ATP11C: variants seen among roughly 807,000 people sequenced by gnomAD.
ATP11C encodes the protein ATPase phospholipid transporting 11C (ATP11C blood group), also known as phospholipid-transporting ATPase IG.
A neutral mutation model predicts 97.4 loss-of-function variants in ATP11C; 36 were observed. The observed-to-expected ratio is 0.37, with a 90% CI of 0.28 to 0.49. The LOEUF is 0.49. ATP11C is among the 20% of genes least tolerant of loss of function. The probability of loss-of-function intolerance (pLI) is 0.98; values close to 1 mark genes in which losing one functional copy is unlikely to be tolerated. For missense variants in ATP11C, 730 were observed against 824.6 expected, an observed-to-expected ratio of 0.89 and a Z score of 1.40; for synonymous variants, 275 against 290.9, an observed-to-expected ratio of 0.95 and a Z score of 0.56.
intron 28 of ATP11C, among the ~76,000 whole-genome samples, chrX:139,734,597 G>T (rs1011545793): frequency 9.0e-6 from 1 of 111,327 alleles, no homozygotes; most frequent in African/African-American, 3.3e-5. Flanking sequence ...CTGTGCTTAG[G>T]GGGGACACAA....
At chrX:139,874,231 T>G (rs1296113809) in intron 1 of ATP11C, among the ~76,000 whole-genome samples, 1 of 89,351 alleles carries the variant, frequency 1.1e-5, no homozygotes, top group Non-Finnish European at 2.1e-5. Context: ...TTTTTTTTTT[T>G]GTATTTTTAG....
intron 1 of ATP11C, among the ~76,000 whole-genome samples, chrX:139,907,876 G>A (rs1192120044): frequency 1.8e-5 from 2 of 110,633 alleles, no homozygotes; most frequent in African/African-American, 6.6e-5. Flanking sequence ...ATTTTACCCT[G>A]TACCCTAACA....
intron 1 of ATP11C, among the ~76,000 whole-genome samples, chrX:139,888,017 A>C (rs995798436): frequency 1.8e-5 from 2 of 110,449 alleles, no homozygotes; most frequent in African/African-American, 3.3e-5. Flanking sequence ...TCTTTGAAAC[A>C]CACTATTTAA....
Position 139,910,352 on chromosome X carries a change from A to G in ATP11C, c.27+21664T>C, listed in dbSNP as rs186370383. ...ATAAAAGAATTATGGGCTGCCTGTA[A>G]TCCCAGCACTTTGGGAGGCCGAGGC... On this transcript the variant is annotated intron_variant, in intron 1 of 29. Transcript: ENST00000682941. Among the ~76,000 whole-genome samples the G allele has an allele frequency of 1.7e-3, 188 of 111,240 alleles. 2 individuals carry two copies. The highest frequency in any genetic ancestry group is 2.2e-3 in the Non-Finnish European group (115 of 53,094).
At chrX:139,822,304 C>T (rs1386744015) in intron 2 of ATP11C, among the ~76,000 whole-genome samples, 3 of 112,371 alleles carry the variant, frequency 2.7e-5, no homozygotes, top group Admixed American at 9.3e-5. Flanking sequence ...TCAAGCAATC[C>T]GCCCGCCTCA....
chrX:139,822,822 G>A (rs958141204), intron 2 of ATP11C, among the ~76,000 whole-genome samples: 2 of 110,227 alleles, frequency 1.8e-5, no homozygotes, highest in African/African-American at 3.3e-5. Flanking sequence ...ACAGGTGTGA[G>A]CCACTGCACC....
chrX:139,874,475 T>C (rs754504318), intron 1 of ATP11C, among the ~76,000 whole-genome samples: 2 of 111,425 alleles, frequency 1.8e-5, no homozygotes, highest in Admixed American at 9.6e-5. Context: ...CACATTAATA[T>C]AAAAAGTTGA....
At chrX:139,904,859 T>C (rs962957038) in intron 1 of ATP11C, among the ~76,000 whole-genome samples, 1 of 111,948 alleles carries the variant, frequency 8.9e-6, no homozygotes, top group Non-Finnish European at 1.9e-5. Context: ...AGAGATACTG[T>C]TGCAGGCAGG....
chrX:139,899,223 A>G lies in ATP11C; in HGVS notation c.27+32793T>C, dbSNP rs1424009835. Among the ~76,000 whole-genome samples the G allele has an allele frequency of 3.6e-5, 4 of 111,413 alleles. No individual in the cohort carries two copies. In the East Asian group the frequency reaches 1.1e-3, roughly 31 times the overall value. ...GGGCCGGATGCAATGGCTCAAGCTT[A>G]TAATCCCAGCACTTTGGGAGGCCGA... On this transcript the variant is annotated intron_variant, in intron 1 of 29. Transcript: ENST00000682941.
chrX:139,802,460 C>A, intron 6 of ATP11C, 121 bp from the exon 7 acceptor site: 1 of 379,385 alleles, frequency 2.6e-6, no homozygotes, highest in East Asian at 4.1e-5. Flanking sequence ...GCAGAATAAA[C>A]AAATATTAAC....
chrX:139,798,766 T>TTA, intron 8 of ATP11C, 23 bp from the exon 9 acceptor site: 1 of 1,169,844 alleles, frequency 8.5e-7, no homozygotes, highest in Non-Finnish European at 1.2e-6. Flanking sequence ...TGAACACAGC[T>TTA]TATCCAAACA....
rs139498058 is a variant in ATP11C at position 139,809,399 on chromosome X, G to C, written c.427-4800C>G. 2.3e-3 allele frequency among the ~76,000 whole-genome samples: 253 copies of C among 112,229 alleles called. 7 individuals carry two copies. In the East Asian group the frequency reaches 0.064, roughly 28 times the overall value. ...ATCAACCTTGAAAACATTATGCTAA[G>C]TGAAAGAAGCCAGACATAAATGGAC... On this transcript the variant is annotated intron_variant, in intron 5 of 29. Coordinates refer to ENST00000682941, the MANE Select transcript of ATP11C (RefSeq NM_001353812.2).
chrX:139,803,412 C>A (rs1359424434), intron 6 of ATP11C, among the ~76,000 whole-genome samples: 1 of 110,900 alleles, frequency 9.0e-6, no homozygotes, highest in Non-Finnish European at 1.9e-5. Context: ...AACAGAGGAG[C>A]CCTCCAAGGA....
At chrX:139,892,555 T>C (rs992069985) in intron 1 of ATP11C, among the ~76,000 whole-genome samples, 3 of 111,682 alleles carry the variant, frequency 2.7e-5, no homozygotes, top group African/African-American at 6.5e-5. Context: ...AAAGAAAACA[T>C]GTTCCTACCT....
In ATP11C at chrX:139,768,307, A is replaced by C. The variant is rs1690462243; in HGVS notation, c.2344T>G (p.Cys782Gly). 1 of 1,180,372 alleles carries C rather than the reference A, an allele frequency of 8.5e-7. No individual in the cohort carries two copies. Among genetic ancestry groups the C allele is most frequent in the Admixed American group, 2.3e-5 (1 of 43,420 alleles). The change falls in exon 20 of 30, where the codon TGT becomes GGT. Residue 782 changes from cysteine to glycine, a missense_variant. Coordinates refer to ENST00000682941, the MANE Select transcript of ATP11C (RefSeq NM_001353812.2). ...ATCCGACAGCAGAGCACTGCAGTAC[A>C]CTTCATACATATTTGTAGGAAAATG... ...KSIFLQICMK[C>G]TAVLCCRMAP... is the part of the protein sequence containing the mutation.
At chrX:139,766,317 T>A (rs2082133470) in intron 20 of ATP11C, among the ~76,000 whole-genome samples, 1 of 112,029 alleles carries the variant, frequency 8.9e-6, no homozygotes, top group Non-Finnish European at 1.9e-5. Context: ...GGAATTCATA[T>A]ACCTGCCTGG....
chrX:139,749,824 T>C (rs964974533), intron 24 of ATP11C, among the ~76,000 whole-genome samples: 1 of 111,942 alleles, frequency 8.9e-6, no homozygotes, highest in Non-Finnish European at 1.9e-5. Context: ...GTTTCACATA[T>C]ATTCAAGTAC....
intron 1 of ATP11C, among the ~76,000 whole-genome samples, chrX:139,873,444 A>C (rs1036536955): frequency 2.7e-5 from 3 of 111,355 alleles, no homozygotes; most frequent in Non-Finnish European, 5.6e-5. Flanking sequence ...ATGGGGGTTC[A>C]CGCCTGTAAT....
intron 1 of ATP11C, among the ~76,000 whole-genome samples, chrX:139,886,606 A>G (rs1411779853): frequency 1.9e-5 from 2 of 106,849 alleles, no homozygotes; most frequent in Non-Finnish European, 3.8e-5. Context: ...AAAAAAAAGC[A>G]CCAGTTACTA....
Sources: allele counts gnomAD v4.1 joint callset (sites outside exome capture counted in the v4.1 genomes callset), GRCh38; gene constraint gnomAD v4.1.1; transcripts MANE v1.5; gene names NCBI Gene and HGNC (gene_info 2026-07-23, HGNC 2026-07-21).